The following NR1D1 variants were observed in gnomAD, a reference collection of about 807,000 sequenced individuals.
The protein encoded by NR1D1 is nuclear receptor subfamily 1 group D member 1, also known as Rev-ErbAalpha.
In NR1D1, 17 loss-of-function variants were observed where a neutral mutation model predicts 51.1. The ratio of observed to expected loss-of-function variants is 0.33; its 90% CI spans 0.23 to 0.50. NR1D1 has a LOEUF of 0.50. Ranked by LOEUF, NR1D1 falls within the 20% of genes least tolerant of loss-of-function variation. NR1D1 has a pLI of 0.98. For missense variants in NR1D1, 647 were observed against 830.4 expected, an observed-to-expected ratio of 0.78 and a Z score of 2.71; for synonymous variants, 341 against 333.4, an observed-to-expected ratio of 1.02 and a Z score of -0.25.
Position 40,093,047 on chromosome 17 carries a change from T to C in NR1D1, c.*36A>G. The C allele has an allele frequency of 6.2e-7, 1 of 1,614,086 alleles. No individual in the cohort carries two copies. Among genetic ancestry groups the C allele is most frequent in the Non-Finnish European group, 8.5e-7 (1 of 1,180,014 alleles). On this transcript the variant is annotated 3_prime_UTR_variant, in exon 8 of 8. Transcript: ENST00000246672. The surrounding 1 kb of genome is among the most constrained non-coding windows in gnomAD (Gnocchi z 5.9). ...GAGAGAAGTGCAGAGTTCGATTCTG[T>C]ACAAGGGGGCAGCGGCAGAAGGCCG...
chr17:40,094,208 G>A (rs1008831268), intron 6 of NR1D1, 86 bp from the exon 7 acceptor site: 20 of 1,229,006 alleles, frequency 1.6e-5, no homozygotes, highest in Middle Eastern at 1.9e-4. Context: ...AGGGTTTAGC[G>A]GTGCTGCCTT....
intron 5 of NR1D1, 112 bp downstream of exon 5, chr17:40,095,332 A>G: frequency 7.4e-7 from 1 of 1,349,066 alleles, no homozygotes; most frequent in Non-Finnish European, 1.0e-6. Flanking sequence ...TCTCCTGGGA[A>G]GATGCTATCC....
rs1987851904 is a variant in NR1D1, at chr17:40,100,239, A to C, written c.-145T>G. ...ATCAGGATCCGAAGCACCCTGCAGC[A>C]AGGTCTTGGGGTGGCCGGACTGCAG... On this transcript the variant is annotated 5_prime_UTR_variant, in exon 1 of 8. Transcript: ENST00000246672. 2.8e-6 allele frequency: 2 copies of C among 720,186 alleles called. No homozygotes were observed. Among genetic ancestry groups the C allele is most frequent in the Admixed American group, 2.0e-5 (1 of 48,886 alleles). The allele number at this position is 720,186 out of a possible 1,614,324, so 44.6% of individuals were successfully genotyped here. A position where few individuals can be genotyped will look rare whatever the true frequency, so the allele number is the denominator to read the frequency against.
At chr17:40,097,880 A>T (rs1987796244) in intron 1 of NR1D1, among the ~76,000 whole-genome samples, 1 of 152,192 alleles carries the variant, frequency 6.6e-6, no homozygotes. Context: ...AGTAAAGAGA[A>T]TGGAGGGTTT....
In NR1D1 at chr17:40,095,540, G is replaced by C; in HGVS notation, c.1152C>G (p.Asn384Lys). The change falls in exon 5 of 8, where the codon AAC (asparagine) becomes AAG (lysine). Residue 384 changes from asparagine to lysine, a missense_variant. Transcript: ENST00000246672. ...CGTGGGTGGGGCATAGACGGTGCCCGTTGCTGTTGGACTGGTGGCAGCTGT... is the reference window on the plus strand; with the variant it reads ...CGTGGGTGGGGCATAGACGGTGCCCCTTGCTGTTGGACTGGTGGCAGCTGT... ...AHHSCHQSNS[N>K]GHRLCPTHVY... The C allele has an allele frequency of 6.2e-7, 1 of 1,603,784 alleles. No homozygotes were observed. The highest frequency in any genetic ancestry group is 2.2e-5 in the East Asian group (1 of 44,728).
rs570537161 is a variant in NR1D1, at chr17:40,093,825, C to G, written c.1645+87G>C. The G allele has an allele frequency of 6.1e-5, 76 of 1,248,584 alleles. No individual in the cohort carries two copies. The highest frequency in any genetic ancestry group is 1.1e-4 in the Admixed American group (6 of 55,866). The allele number at this position is 1,248,584 out of a possible 1,614,324, so 77.3% of individuals were successfully genotyped here. A position where few individuals can be genotyped will look rare whatever the true frequency, so the allele number is the denominator to read the frequency against. On this transcript the variant is annotated intron_variant, in intron 7 of 7. Transcript: ENST00000246672. This position sits in a 1 kb window ranked among gnomAD's most constrained non-coding sequence, Gnocchi z 5.9. Reference sequence around the variant, plus strand: ...GTATCCCCAGTGCCCGGTGCAGGGCCTGGCATAGAGTAGGTACTCCATAAA... The same window carrying G: ...GTATCCCCAGTGCCCGGTGCAGGGCGTGGCATAGAGTAGGTACTCCATAAA...
chr17:40,095,258 A>G, intron 5 of NR1D1, 138 bp from the exon 6 acceptor site: 1 of 1,133,994 alleles, frequency 8.8e-7, no homozygotes, highest in Non-Finnish European at 1.2e-6. Context: ...ATAAAGTAGC[A>G]ATTAGGTGCC....
chr17:40,099,308 C>T (rs1224334610), intron 1 of NR1D1, among the ~76,000 whole-genome samples: 1 of 152,226 alleles, frequency 6.6e-6, no homozygotes, highest in Non-Finnish European at 1.5e-5. Flanking sequence ...CCAGGACAAC[C>T]TAGGGGAGGA....
intron 5 of NR1D1, 43 bp from the exon 6 acceptor site, chr17:40,095,163 T>C (rs1238881095): frequency 6.3e-7 from 1 of 1,577,802 alleles, no homozygotes. Context: ...TCAGCCAGGC[T>C]GGGTCAGATG....
rs1257967285 is a variant in NR1D1 at position 40,093,978 on chromosome 17, G to T, written c.1579C>A (p.Leu527Ile). The T allele has an allele frequency of 6.2e-7, 1 of 1,614,060 alleles. No individual in the cohort carries two copies. Among genetic ancestry groups the T allele is most frequent in the Admixed American group, 1.7e-5 (1 of 60,030 alleles). The part of the protein sequence containing the change: ...LSAMFDFSEK[L>I]NSLALTEEEL... ...TCCTCGGTAAGCGCCAGGGAGTTGA[G>T]CTTCTCGCTGAAGTCGAACATGGCA... is the stretch of plus-strand genomic sequence containing the variant. The change falls in exon 7 of 8, where the codon CTC becomes ATC. Residue 527 changes from leucine to isoleucine, a missense_variant. Physicochemically the swap from Leu to Ile is conservative, Grantham distance 5. Coordinates refer to ENST00000246672, the MANE Select transcript of NR1D1 (RefSeq NM_021724.5). The surrounding 1 kb of genome is among the most constrained non-coding windows in gnomAD (Gnocchi z 5.9).
At chr17:40,095,257 C>A in intron 5 of NR1D1, 137 bp from the exon 6 acceptor site, 4 of 1,131,338 alleles carry the variant, frequency 3.5e-6, no homozygotes, top group Admixed American at 2.8e-5. Flanking sequence ...GATAAAGTAG[C>A]AATTAGGTGC....
chr17:40,099,495 G>A (rs920295093), intron 1 of NR1D1, among the ~76,000 whole-genome samples: 1 of 152,072 alleles, frequency 6.6e-6, no homozygotes, highest in Non-Finnish European at 1.5e-5. Context: ...AGCCCTGTAG[G>A]TGCCCTCCCT....
Position 40,092,820 on chromosome 17 carries a change from A to C in NR1D1, c.*263T>G. The C allele has an allele frequency of 1.3e-6, 1 of 755,730 alleles. No individual in the cohort carries two copies. Among genetic ancestry groups the C allele is most frequent in the Non-Finnish European group, 2.0e-6 (1 of 491,112 alleles). The allele number at this position is 755,730 out of a possible 1,614,324, so 46.8% of individuals were successfully genotyped here. ...AGCTGTGAACTATTGGATTTGAGAC[A>C]GGAACAGAACAAATCAGAGGGCCAG... On this transcript the variant is annotated 3_prime_UTR_variant, in exon 8 of 8. Coordinates refer to ENST00000246672, the MANE Select transcript of NR1D1 (RefSeq NM_021724.5).
At chr17:40,095,412 C>T (rs1282156846) in intron 5 of NR1D1, 32 bp downstream of exon 5, 1 of 1,513,230 alleles carries the variant, frequency 6.6e-7, no homozygotes, top group East Asian at 2.3e-5. Context: ...CCCCAATCTT[C>T]TTAACGCACT....
Position 40,093,600 on chromosome 17 carries a change from C to T in NR1D1, c.1645+312G>A, listed in dbSNP as rs1409517605. The T allele has an allele frequency of 5.2e-6, 4 of 763,740 alleles. No homozygotes were observed. The highest frequency in any genetic ancestry group is 2.7e-5 in the East Asian group (1 of 37,010). The allele number at this position is 763,740 out of a possible 1,614,324, so 47.3% of individuals were successfully genotyped here. On this transcript the variant is annotated intron_variant, in intron 7 of 7. Transcript: ENST00000246672. The surrounding 1 kb of genome is among the most constrained non-coding windows in gnomAD (Gnocchi z 5.9). ...GTTCCCTCTGCCTGGGATGCCCTTC[C>T]CCCTTTCTCTGCCTGGCAACATCTT...
At position 40,093,787 on chromosome 17, in the gene NR1D1, C is replaced by G; in HGVS notation, c.1645+125G>C. 1 of 814,622 alleles carries G rather than the reference C, an allele frequency of 1.2e-6. No individual in the cohort carries two copies. The highest frequency in any genetic ancestry group is 1.7e-5 in the African/African-American group (1 of 58,438). 50.5% of individuals were successfully genotyped at this position (814,622 alleles called of 1,614,324 possible). On this transcript the variant is annotated intron_variant, in intron 7 of 7. Transcript: ENST00000246672. The surrounding 1 kb of genome is among the most constrained non-coding windows in gnomAD (Gnocchi z 5.9). ...GTCTGTTTCCCAAGCTAGACTGTGT[C>G]TGAATCATGTCTGTATCCCCAGTGC...
rs764859595 is a variant in NR1D1 at position 40,094,057 on chromosome 17, G to A, written c.1500C>T (p.Arg500=). The change falls in exon 7 of 8, where the codon CGC becomes CGT. Residue 500 remains arginine, a synonymous_variant. Transcript: ENST00000246672. ...VKDQTVMFLS[R]TTYSLQELGA... The stretch of plus-strand genomic sequence containing the variant: ...CAAGCTCCTGCAGGCTGTAGGTGGT[G>A]CGGCTTAGGAACATCACTGTCTGGT... 1.3e-5 allele frequency: 21 copies of A among 1,613,920 alleles called. No individual in the cohort carries two copies. The East Asian group carries it at 3.8e-4, about 29-fold the overall frequency.
Position 40,092,810 on chromosome 17 carries a change from G to T in NR1D1, c.*273C>A. The T allele has an allele frequency of 4.1e-6, 3 of 731,972 alleles. No homozygotes were observed. Among genetic ancestry groups the T allele is most frequent in the Non-Finnish European group, 6.4e-6 (3 of 469,040 alleles). The allele number at this position is 731,972 out of a possible 1,614,324, so 45.3% of individuals were successfully genotyped here. On this transcript the variant is annotated 3_prime_UTR_variant, in exon 8 of 8. Transcript: ENST00000246672. The stretch of plus-strand genomic sequence containing the variant: ...AAGCCAGCTCAGCTGTGAACTATTG[G>T]ATTTGAGACAGGAACAGAACAAATC...
Position 40,097,078 on chromosome 17 carries a change from G to A in NR1D1, c.357C>T (p.Thr119=). The A allele has an allele frequency of 6.3e-7, 1 of 1,599,538 alleles. No individual in the cohort carries two copies. Among genetic ancestry groups the A allele is most frequent in the South Asian group, 1.1e-5 (1 of 88,894 alleles). The stretch of plus-strand genomic sequence containing the variant: ...AAAGGTACTCACTGGTGATGTTGCT[G>A]GTGCTCTTGCTGGGGGACACTCGGC... ...DSSRVSPSKS[T]SNITKLNGMV... is the part of the protein sequence containing the mutation. Residue 119 remains threonine (T), a synonymous_variant, in exon 2 of 8, where the codon ACC becomes ACT. Coordinates refer to ENST00000246672, the MANE Select transcript of NR1D1 (RefSeq NM_021724.5).
Sources: gnomAD v4.1 joint callset for allele counts (sites outside exome capture counted in the v4.1 genomes callset) on GRCh38, gnomAD v4.1.1 for gene constraint, Gnocchi (gnomAD v3.1) non-coding constraint, MANE v1.5 for transcripts, NCBI Gene and HGNC (gene_info 2026-07-23, HGNC 2026-07-21) for gene names.